ENTPD1: variants seen among roughly 807,000 people sequenced by gnomAD.
ENTPD1 encodes ectonucleoside triphosphate diphosphohydrolase 1, also known as ATP diphosphohydrolase.
In ENTPD1, 33 loss-of-function variants were observed where a neutral mutation model predicts 57.0. The ratio of observed to expected loss-of-function variants is 0.58; its 90% CI spans 0.44 to 0.77. The LOEUF (loss-of-function observed/expected upper bound fraction) is 0.77. Among genes scored for constraint, ENTPD1 ranks in the 30% least tolerant of loss-of-function variants. The pLI is 0.00. For synonymous variants in ENTPD1, 202 were observed against 218.8 expected, an observed-to-expected ratio of 0.92 and a Z score of 0.68; for missense variants, 501 against 603.4, an observed-to-expected ratio of 0.83 and a Z score of 1.78.
At chr10:95,783,986 CA>C (rs1231160430) in intron 1 of ENTPD1, among the ~76,000 whole-genome samples, 2 of 151,696 alleles carry the variant, frequency 1.3e-5, no homozygotes, top group Non-Finnish European at 2.9e-5. Context: ...AAAATCTATG[CA>C]AAAATATAGG....
intron 1 of ENTPD1, among the ~76,000 whole-genome samples, chr10:95,726,567 T>G (rs2097983886): frequency 6.6e-6 from 1 of 152,250 alleles, no homozygotes; most frequent in African/African-American, 2.4e-5. Flanking sequence ...TTGACAATTC[T>G]TTTATTTTAG....
Position 95,873,171 on chromosome 10 carries a change from G to C in ENTPD1, c.*6788G>C. 2.0e-6 allele frequency: 2 copies of C among 985,314 alleles called. No individual in the cohort carries two copies. The highest frequency in any genetic ancestry group is 4.7e-5 in the South Asian group (1 of 21,280). The allele number at this position is 985,314 out of a possible 1,614,324, so 61.0% of individuals were successfully genotyped here. On this transcript the variant is annotated 3_prime_UTR_variant, in exon 10 of 10. Coordinates refer to ENST00000371205, the MANE Select transcript of ENTPD1 (RefSeq NM_001776.6). ...CATCTGTCCAGGAATCACACTTTGC[G>C]TATCAAAGGTCTAGATGACATTATC... is the stretch of plus-strand genomic sequence containing the variant.
intron 1 of ENTPD1, among the ~76,000 whole-genome samples, chr10:95,760,811 A>ATCCTTTT (rs2098055399): frequency 6.2e-5 from 3 of 48,424 alleles, no homozygotes; most frequent in African/African-American, 2.4e-4. Flanking sequence ...CATAGAGTTT[A>ATCCTTTT]TTCTTTTTTT....
chr10:95,762,355 A>T (rs1323751709), intron 1 of ENTPD1, among the ~76,000 whole-genome samples: 1 of 151,890 alleles, frequency 6.6e-6, no homozygotes, highest in African/African-American at 2.4e-5. Context: ...GAAGAAAAAC[A>T]ATCACTTGTA....
At chr10:95,761,165 C>CT (rs2098060236) in intron 1 of ENTPD1, among the ~76,000 whole-genome samples, 1 of 152,044 alleles carries the variant, frequency 6.6e-6, no homozygotes, top group Non-Finnish European at 1.5e-5. Flanking sequence ...CGGAGGAAGG[C>CT]CAAAATCAAG....
chr10:95,756,330 A>T, intron 1 of ENTPD1, 75 bp downstream of exon 1: 1 of 1,480,120 alleles, frequency 6.8e-7, no homozygotes, highest in South Asian at 1.3e-5. Context: ...CCAGACCAAA[A>T]AGCAAGTACT....
At chr10:95,703,619 TG>T in the ENTPD1 span, among the ~76,000 whole-genome samples, 1 of 151,576 alleles carries the variant, frequency 6.6e-6, no homozygotes, top group Non-Finnish European at 1.5e-5. Context: ...CTGTCTCTAC[TG>T]AAAATACAAA....
intron 1 of ENTPD1, among the ~76,000 whole-genome samples, chr10:95,715,568 A>T: frequency 6.7e-6 from 1 of 150,050 alleles, no homozygotes. Flanking sequence ...GTATGTTTGG[A>T]TTTGTCTATT....
intron 1 of ENTPD1, among the ~76,000 whole-genome samples, chr10:95,771,070 T>A (rs1397079061): frequency 6.6e-6 from 1 of 152,150 alleles, no homozygotes; most frequent in Non-Finnish European, 1.5e-5. Flanking sequence ...TTTTTAGTAT[T>A]TATTTTCTAC....
chr10:95,807,383 G>T (rs1002215126), intron 1 of ENTPD1, among the ~76,000 whole-genome samples: 13 of 152,218 alleles, frequency 8.5e-5, no homozygotes, highest in Non-Finnish European at 1.5e-4. Flanking sequence ...GTATTTGGGT[G>T]GGAGTGTCCC....
chr10:95,805,310 A>G (rs1335857636), intron 1 of ENTPD1, among the ~76,000 whole-genome samples: 2 of 150,684 alleles, frequency 1.3e-5, no homozygotes, highest in African/African-American at 4.9e-5. Flanking sequence ...TAGGATTGCA[A>G]CCCCTCCTTT....
chr10:95,838,882 C>G (rs2098416679), intron 2 of ENTPD1, among the ~76,000 whole-genome samples: 1 of 152,220 alleles, frequency 6.6e-6, no homozygotes, highest in Admixed American at 6.5e-5. Flanking sequence ...CTTTCTCCTG[C>G]TGTCATCTGT....
In ENTPD1 at chr10:95,866,775, G is replaced by A. The variant is rs565338392; in HGVS notation, c.*392G>A. On this transcript the variant is annotated 3_prime_UTR_variant, in exon 10 of 10. Transcript: ENST00000371205. The stretch of plus-strand genomic sequence containing the variant: ...GCTGAAAGAAGAATCTCAGGAACTG[G>A]TTCAGTTGTACTCTTTAAGAACCCC... 5 of 1,123,528 alleles carry A rather than the reference G, an allele frequency of 4.5e-6. No individual in the cohort carries two copies. The African/African-American group carries it at 8.1e-5, about 18-fold the overall frequency. 69.6% of individuals were successfully genotyped at this position (1,123,528 alleles called of 1,614,324 possible).
chr10:95,713,577 C>T (rs2097968224), intron 1 of ENTPD1, among the ~76,000 whole-genome samples: 1 of 152,252 alleles, frequency 6.6e-6, no homozygotes, highest in African/African-American at 2.4e-5. Context: ...TCTGTGCTTT[C>T]ACACCTGTGG....
intron 7 of ENTPD1, among the ~76,000 whole-genome samples, chr10:95,853,616 A>G (rs1415324101): frequency 2.0e-5 from 3 of 152,110 alleles, no homozygotes; most frequent in African/African-American, 7.2e-5. Context: ...ATCATTACCT[A>G]ATTTATTGAG....
At chr10:95,770,137 G>GAA (rs59046249) in intron 1 of ENTPD1, among the ~76,000 whole-genome samples, 1 of 129,692 alleles carries the variant, frequency 7.7e-6, no homozygotes, top group Non-Finnish European at 1.7e-5. Flanking sequence ...AGTGTAACTA[G>GAA]AAAAAAAAAA....
chr10:95,740,897 G>A (rs930926813), intron 1 of ENTPD1, among the ~76,000 whole-genome samples: 3 of 152,182 alleles, frequency 2.0e-5, no homozygotes, highest in African/African-American at 7.2e-5. Context: ...GAGAGTTAAG[G>A]TCTTGCTCTG....
chr10:95,701,069 C>T, the ENTPD1 span, among the ~76,000 whole-genome samples: 1 of 152,232 alleles, frequency 6.6e-6, no homozygotes, highest in Admixed American at 6.5e-5. Context: ...GCTGGGATTA[C>T]AGGCCTGAGC....
intron 1 of ENTPD1, among the ~76,000 whole-genome samples, chr10:95,808,399 C>T (rs2098281810): frequency 2.0e-5 from 3 of 152,134 alleles, no homozygotes. Flanking sequence ...TGCATCTCTG[C>T]CAGGTTTTGG....
Sources: gnomAD v4.1 joint callset for allele counts (sites outside exome capture counted in the v4.1 genomes callset) on GRCh38, gnomAD v4.1.1 for gene constraint, MANE v1.5 for transcripts, NCBI Gene and HGNC (gene_info 2026-07-23, HGNC 2026-07-21) for gene names.